The following PPFIA2 variants were observed in gnomAD, a reference collection of about 807,000 sequenced individuals.
PPFIA2 encodes PPFI scaffold protein A2, also known as liprin-alpha-2.
A neutral mutation model predicts 175.5 loss-of-function variants in PPFIA2; 46 were observed. The observed-to-expected ratio is 0.26, with a 90% CI of 0.21 to 0.34. PPFIA2 has a LOEUF of 0.34. PPFIA2 is among the 10% of genes least tolerant of loss of function. The pLI, the probability that PPFIA2 is intolerant of heterozygous loss-of-function variation, is 1.00. For synonymous variants in PPFIA2, 568 were observed against 511.4 expected, an observed-to-expected ratio of 1.11 and a Z score of -1.49; for missense variants, 1,179 against 1,506.1, an observed-to-expected ratio of 0.78 and a Z score of 3.60.
At chr12:81,687,851 A>G (rs1442469048) in intron 3 of PPFIA2, among the ~76,000 whole-genome samples, 1 of 152,086 alleles carries the variant, frequency 6.6e-6, no homozygotes, top group African/African-American at 2.4e-5. Context: ...TATTCATGTA[A>G]TAATACATAG....
At chr12:81,399,013 A>G (rs2142592176) in intron 8 of PPFIA2, among the ~76,000 whole-genome samples, 2 of 152,168 alleles carry the variant, frequency 1.3e-5, no homozygotes, top group Middle Eastern at 6.8e-3. Flanking sequence ...GTGTTTCATG[A>G]GAAATGATGA....
At chr12:81,646,925 A>C (rs2066176026) in intron 4 of PPFIA2, among the ~76,000 whole-genome samples, 1 of 152,070 alleles carries the variant, frequency 6.6e-6, no homozygotes, top group African/African-American at 2.4e-5. Flanking sequence ...GGAGAAAAGG[A>C]GGAAGGAAAA....
chr12:81,262,534 T>C (rs1271933973), intron 31 of PPFIA2, among the ~76,000 whole-genome samples: 1 of 152,204 alleles, frequency 6.6e-6, no homozygotes, highest in Non-Finnish European at 1.5e-5. Context: ...GAAATAATGA[T>C]GCTAGGTGAT....
intron 15 of PPFIA2, among the ~76,000 whole-genome samples, chr12:81,362,377 T>C (rs1455648035): frequency 1.3e-5 from 2 of 151,394 alleles, no homozygotes; most frequent in Non-Finnish European, 1.5e-5. Context: ...ACGCCTCTTC[T>C]TGAATGAGAT....
At chr12:81,650,362 T>C (rs546755312) in intron 4 of PPFIA2, among the ~76,000 whole-genome samples, 1 of 152,192 alleles carries the variant, frequency 6.6e-6, no homozygotes, top group Admixed American at 6.5e-5. Flanking sequence ...TGTACCTGAG[T>C]AAAAAAATTA....
At chr12:81,351,686 C>G (rs1425933205) in intron 17 of PPFIA2, among the ~76,000 whole-genome samples, 1 of 150,182 alleles carries the variant, frequency 6.7e-6, no homozygotes, top group East Asian at 2.0e-4. Context: ...TCATTAGAGC[C>G]CAGGAGTTCA....
chr12:81,336,977 G>C (rs1276437948), intron 21 of PPFIA2, among the ~76,000 whole-genome samples: 1 of 152,028 alleles, frequency 6.6e-6, no homozygotes, highest in Non-Finnish European at 1.5e-5. Flanking sequence ...AAATGTGCAT[G>C]GTCTTTCCAT....
intron 21 of PPFIA2, 31 bp from the exon 22 acceptor site, chr12:81,325,901 T>C (rs1419399387): frequency 1.4e-6 from 2 of 1,455,538 alleles, no homozygotes; most frequent in Admixed American, 1.7e-5. Flanking sequence ...GTATTCAGAT[T>C]ATGTTGCATA....
At chr12:81,403,961 G>C (rs1398461774) in intron 8 of PPFIA2, among the ~76,000 whole-genome samples, 1 of 151,986 alleles carries the variant, frequency 6.6e-6, no homozygotes, top group East Asian at 1.9e-4. Flanking sequence ...ATCTCCTCTT[G>C]TTCCTGCTCT....
intron 22 of PPFIA2, among the ~76,000 whole-genome samples, chr12:81,321,145 G>A (rs980848699): frequency 1.3e-5 from 2 of 151,898 alleles, no homozygotes; most frequent in Non-Finnish European, 2.9e-5. Context: ...CTAGAAGCAA[G>A]AAGAGCCATA....
chr12:81,312,326 A>G, intron 22 of PPFIA2: 1 of 690,942 alleles, frequency 1.4e-6, no homozygotes, highest in Non-Finnish European at 2.4e-6. Flanking sequence ...TTTGTATTTC[A>G]TCATGACACA....
chr12:81,340,021 A>C (rs937214996), intron 20 of PPFIA2, among the ~76,000 whole-genome samples: 2 of 152,146 alleles, frequency 1.3e-5, no homozygotes, highest in African/African-American at 4.8e-5. Flanking sequence ...ATAGGATGGG[A>C]TCAATAGACA....
At chr12:81,744,978 GTTC>G (rs1462435404) in intron 3 of PPFIA2, among the ~76,000 whole-genome samples, 153 of 152,296 alleles carry the variant, frequency 1.0e-3, no homozygotes, top group African/African-American at 3.5e-3. Flanking sequence ...TCATTGGAAT[GTTC>G]GGAATATTAA....
chr12:81,516,542 G>A (rs915576386), intron 4 of PPFIA2, among the ~76,000 whole-genome samples: 7 of 152,118 alleles, frequency 4.6e-5, no homozygotes, highest in Admixed American at 2.0e-4. Context: ...CAATATGACT[G>A]TGTCCTTATA....
chr12:81,300,070 G>A (rs2047438988), intron 22 of PPFIA2, among the ~76,000 whole-genome samples: 1 of 152,076 alleles, frequency 6.6e-6, no homozygotes, highest in African/African-American at 2.4e-5. Flanking sequence ...ACAACAAATG[G>A]TTGTTTTGAT....
chr12:81,612,035 TCA>T (rs2060975508), intron 4 of PPFIA2, among the ~76,000 whole-genome samples: 4 of 152,036 alleles, frequency 2.6e-5, no homozygotes, highest in Admixed American at 2.6e-4. Context: ...AGCCTCAGTT[TCA>T]GAGTCACATC....
intron 6 of PPFIA2, among the ~76,000 whole-genome samples, chr12:81,440,832 A>G (rs891629404): frequency 6.7e-6 from 1 of 149,928 alleles, no homozygotes; most frequent in Non-Finnish European, 1.5e-5. Context: ...ATATATATAT[A>G]TAAAACAATT....
intron 5 of PPFIA2, among the ~76,000 whole-genome samples, chr12:81,452,622 ATCTT>A (rs1473136275): frequency 6.6e-6 from 1 of 152,226 alleles, no homozygotes; most frequent in Non-Finnish European, 1.5e-5. Flanking sequence ...CATATGTAGA[ATCTT>A]TATCTGTTTT....
chr12:81,329,817 G>A (rs1566186061), intron 21 of PPFIA2, among the ~76,000 whole-genome samples: 1 of 152,202 alleles, frequency 6.6e-6, no homozygotes, highest in Non-Finnish European at 1.5e-5. Flanking sequence ...TGGTCCCAGT[G>A]TCTGAACGGT....
Sources: allele counts gnomAD v4.1 joint callset (sites outside exome capture counted in the v4.1 genomes callset), GRCh38; gene constraint gnomAD v4.1.1; transcripts MANE v1.5; gene names NCBI Gene and HGNC (gene_info 2026-07-23, HGNC 2026-07-21).